The following SYT1 variants were observed in gnomAD, a reference collection of about 807,000 sequenced individuals.
The protein encoded by SYT1 is synaptotagmin-1.
In SYT1, 8 loss-of-function variants were observed where a neutral mutation model predicts 44.8. The observed-to-expected ratio is 0.18, with a 90% CI of 0.10 to 0.32. The LOEUF (loss-of-function observed/expected upper bound fraction) is 0.32, where lower values mean the gene tolerates loss of function less well. Ranked by LOEUF, SYT1 falls within the 10% of genes least tolerant of loss-of-function variation. The pLI is 1.00. For missense variants in SYT1, 286 were observed against 509.3 expected (o/e 0.56, Z 4.22); for synonymous variants, 154 against 188.8 (o/e 0.82, Z 1.51).
chr12:78,956,936 A>G (rs1879246464), intron 1 of SYT1, among the ~76,000 whole-genome samples: 1 of 152,134 alleles, frequency 6.6e-6, no homozygotes, highest in South Asian at 2.1e-4. Flanking sequence ...GGAGCCCCAC[A>G]TCAGTGATTT....
intron 3 of SYT1, among the ~76,000 whole-genome samples, chr12:79,118,106 T>C (rs906019615): frequency 1.3e-4 from 19 of 151,700 alleles, no homozygotes; most frequent in African/African-American, 4.4e-4. Context: ...TCAAATAATT[T>C]GATCTTTTTA....
intron 1 of SYT1, among the ~76,000 whole-genome samples, chr12:78,971,625 C>A (rs1472361252): frequency 6.6e-6 from 1 of 151,986 alleles, no homozygotes; most frequent in Non-Finnish European, 1.5e-5. Context: ...AGAAAACAAA[C>A]AAATTTTATT....
intron 3 of SYT1, among the ~76,000 whole-genome samples, chr12:79,173,704 G>A (rs1183587994): frequency 6.6e-6 from 1 of 152,040 alleles, no homozygotes; most frequent in Non-Finnish European, 1.5e-5. Context: ...CTACCATAAG[G>A]AGCCTTGTAA....
chr12:79,411,396 G>A (rs1404093291), intron 9 of SYT1, among the ~76,000 whole-genome samples: 3 of 152,124 alleles, frequency 2.0e-5, no homozygotes, highest in African/African-American at 7.2e-5. Flanking sequence ...TATTGTAGGT[G>A]GCAATGTGCC....
chr12:79,349,711 A>C (rs139962701), intron 8 of SYT1, among the ~76,000 whole-genome samples: 1,940 of 152,256 alleles, frequency 0.013, 41 homozygotes, highest in African/African-American at 0.042. Context: ...AGTCCCCATC[A>C]CCATAATCCC....
At chr12:79,262,777 A>C (rs933847709) in intron 4 of SYT1, among the ~76,000 whole-genome samples, 5 of 152,190 alleles carry the variant, frequency 3.3e-5, no homozygotes, top group African/African-American at 1.2e-4. Flanking sequence ...AATTGTGCTG[A>C]TCAGAGACAT....
In SYT1 at chr12:79,439,245, T is replaced by C. The variant is rs560335129; in HGVS notation, c.929-4828T>C. ...AGTAATAAGATTCCACCTGGAACTC[T>C]GAGTTTAACTTTTCAGCTGTGTGTA... On this transcript the variant is annotated intron_variant, in intron 9 of 10. Coordinates refer to ENST00000261205, the MANE Select transcript of SYT1 (RefSeq NM_005639.3). Among the ~76,000 whole-genome samples the C allele has an allele frequency of 1.0e-3, 157 of 152,294 alleles. 1 individual carries two copies. The highest frequency in any genetic ancestry group is 3.7e-3 in the African/African-American group (153 of 41,572).
chr12:78,956,593 A>G (rs1879230668), intron 1 of SYT1, among the ~76,000 whole-genome samples: 1 of 152,094 alleles, frequency 6.6e-6, no homozygotes, highest in Admixed American at 6.6e-5. Flanking sequence ...AAATGAAAAA[A>G]AAAAAGTGTT....
At chr12:79,373,868 C>T (rs1883887904) in intron 9 of SYT1, among the ~76,000 whole-genome samples, 1 of 152,180 alleles carries the variant, frequency 6.6e-6, no homozygotes, top group African/African-American at 2.4e-5. Flanking sequence ...ATTCTCATTT[C>T]TCACTCGTGT....
At chr12:78,975,349 G>A (rs1030366701) in intron 1 of SYT1, among the ~76,000 whole-genome samples, 2 of 152,176 alleles carry the variant, frequency 1.3e-5, no homozygotes, top group Admixed American at 6.5e-5. Flanking sequence ...AAGGGGTGGA[G>A]GCAGTTGTTT....
At chr12:79,258,472 C>A (rs543571454) in intron 4 of SYT1, among the ~76,000 whole-genome samples, 2 of 152,226 alleles carry the variant, frequency 1.3e-5, no homozygotes, top group South Asian at 4.2e-4. Flanking sequence ...GCATGTGGGA[C>A]GCCTTGGTAA....
intron 1 of SYT1, among the ~76,000 whole-genome samples, chr12:78,886,394 T>C (rs890867534): frequency 1.6e-4 from 25 of 151,998 alleles, no homozygotes; most frequent in African/African-American, 6.0e-4. Flanking sequence ...AATTTCATTT[T>C]AAACAAAAAC....
intron 9 of SYT1, among the ~76,000 whole-genome samples, chr12:79,439,402 A>G (rs972295895): frequency 6.6e-6 from 1 of 152,176 alleles, no homozygotes; most frequent in African/African-American, 2.4e-5. Flanking sequence ...TATCTCATAC[A>G]TGATGACATT....
At chr12:78,922,753 C>A (rs992876878) in intron 1 of SYT1, among the ~76,000 whole-genome samples, 3 of 151,946 alleles carry the variant, frequency 2.0e-5, no homozygotes, top group Non-Finnish European at 4.4e-5. Flanking sequence ...TAACTGTATC[C>A]CTGGTATGCC....
intron 8 of SYT1, among the ~76,000 whole-genome samples, chr12:79,320,653 T>TC (rs1481486924): frequency 6.9e-6 from 1 of 144,290 alleles, no homozygotes; most frequent in East Asian, 2.0e-4. Context: ...TTCCCCTTTT[T>TC]TTTTTTTTTT....
At chr12:79,007,994 CA>C (rs1372015379) in intron 2 of SYT1, among the ~76,000 whole-genome samples, 1 of 151,792 alleles carries the variant, frequency 6.6e-6, no homozygotes, top group African/African-American at 2.4e-5. Context: ...TCACTGCCCT[CA>C]AGGAACTTAT....
intron 3 of SYT1, among the ~76,000 whole-genome samples, chr12:79,172,773 T>C (rs1871606561): frequency 6.6e-6 from 1 of 151,424 alleles, no homozygotes; most frequent in Non-Finnish European, 1.5e-5. Context: ...CTTCTTTCCC[T>C]TATTTATTTT....
chr12:78,910,828 G>A (rs1270066814), intron 1 of SYT1, among the ~76,000 whole-genome samples: 1 of 151,870 alleles, frequency 6.6e-6, no homozygotes, highest in Non-Finnish European at 1.5e-5. Flanking sequence ...GACACCAGAA[G>A]GACAAACTGG....
At chr12:78,908,750 G>A (rs1876138478) in intron 1 of SYT1, among the ~76,000 whole-genome samples, 1 of 151,896 alleles carries the variant, frequency 6.6e-6, no homozygotes, top group Admixed American at 6.6e-5. Context: ...AAGAATTCAT[G>A]GAAAGAGTCG....
Sources: allele counts gnomAD v4.1 joint callset (sites outside exome capture counted in the v4.1 genomes callset), GRCh38; gene constraint gnomAD v4.1.1; transcripts MANE v1.5; gene names NCBI Gene and HGNC (gene_info 2026-07-23, HGNC 2026-07-21).